The following CBX1 variants were observed in gnomAD, a reference collection of about 807,000 sequenced individuals.
CBX1 encodes chromobox protein homolog 1.
A neutral mutation model predicts 25.1 loss-of-function variants in CBX1; 10 were observed. That is an observed-to-expected ratio of 0.40 (90% CI 0.25 to 0.68). CBX1 has a LOEUF of 0.68. Ranked by LOEUF, CBX1 falls within the 30% of genes least tolerant of loss-of-function variation. The pLI, the probability that CBX1 is intolerant of heterozygous loss-of-function variation, is 0.40. For synonymous variants in CBX1, 63 were observed against 79.4 expected, an observed-to-expected ratio of 0.79 and a Z score of 1.10; for missense variants, 106 against 218.5, an observed-to-expected ratio of 0.49 and a Z score of 3.25.
chr17:48,088,189 T>TA (rs2063323594), intron 1 of CBX1: 1 of 150,998 alleles, frequency 6.6e-6, no homozygotes, highest in Admixed American at 6.6e-5. Flanking sequence ...CAGGCGCCTG[T>TA]AATCCTAGCT....
chr17:48,099,403 CCTA>C (rs72042410), intron 1 of CBX1, among the ~76,000 whole-genome samples: 24,396 of 151,980 alleles, frequency 0.16, 2,643 homozygotes, highest in African/African-American at 0.3. Flanking sequence ...TGCGCCCGAC[CCTA>C]CTATTTATTT....
At chr17:48,093,229 C>T (rs1181440570) in intron 1 of CBX1, among the ~76,000 whole-genome samples, 2 of 150,244 alleles carry the variant, frequency 1.3e-5, no homozygotes, top group Non-Finnish European at 3.0e-5. Context: ...GAGGCCAGAT[C>T]ACGACACTGC....
chr17:48,084,202 CTTTTTTTTTTT>C (rs869263376), intron 1 of CBX1, among the ~76,000 whole-genome samples: 4 of 61,320 alleles, frequency 6.5e-5, no homozygotes, highest in South Asian at 9.2e-4. Flanking sequence ...TCTTTCTTTC[CTTTTTTTTTTT>C]TTTTTTTTTT....
rs551811268 is a variant in CBX1 at position 48,085,061 on chromosome 17, G to A, written c.-37-8020C>T. On this transcript the variant is annotated intron_variant, in intron 1 of 4. Transcript: ENST00000225603. ...CTCAGTTGTCCTACTTAGCCAACTC[G>A]TATGGTTTATATCACAATATTGTAA... 1.6e-4 allele frequency among the ~76,000 whole-genome samples: 24 copies of A among 152,214 alleles called. No individual in the cohort carries two copies. The South Asian group carries it at 2.3e-3, about 14-fold the overall frequency.
At chr17:48,074,220 CTGTG>C (rs34047980) in intron 4 of CBX1, among the ~76,000 whole-genome samples, 2 of 150,750 alleles carry the variant, frequency 1.3e-5, no homozygotes, top group Admixed American at 1.3e-4. Flanking sequence ...GCTCCATAGA[CTGTG>C]TGTGTGTGTG....
intron 1 of CBX1, among the ~76,000 whole-genome samples, chr17:48,084,801 T>C (rs1000400724): frequency 6.7e-6 from 1 of 149,694 alleles, no homozygotes; most frequent in Non-Finnish European, 1.5e-5. Flanking sequence ...TCCCAGCTAC[T>C]TGGGAGGCTG....
Position 48,091,983 on chromosome 17 carries a change from CTTTTTTTTT to C in CBX1, c.-38+9276_-38+9284del, listed in dbSNP as rs56277117. On this transcript the variant is annotated intron_variant, in intron 1 of 4. Transcript: ENST00000225603. Reference sequence around the variant, plus strand: ...CGTGAGCCACCATGCCCAGCCAGATCTTTTTTTTTTTTTTTTTTTTTTTTGAGATGCAGT... The same window carrying C: ...CGTGAGCCACCATGCCCAGCCAGATCTTTTTTTTTTTTTTTGAGATGCAGT... 7.9e-5 allele frequency among the ~76,000 whole-genome samples: 5 copies of C among 62,938 alleles called. No homozygotes were observed. In the East Asian group the frequency reaches 2.4e-3, roughly 30 times the overall value. The allele number at this position is 62,938 out of a possible 152,430, so 41.3% of individuals were successfully genotyped here.
intron 4 of CBX1, 64 bp downstream of exon 4, chr17:48,074,942 C>A: frequency 8.7e-7 from 1 of 1,144,576 alleles, no homozygotes; most frequent in South Asian, 1.2e-5. Context: ...CAGCTCTTTT[C>A]CTCTGGCATG....
At chr17:48,080,283 C>T (rs764023556) in intron 1 of CBX1, among the ~76,000 whole-genome samples, 23 of 152,212 alleles carry the variant, frequency 1.5e-4, no homozygotes, top group Non-Finnish European at 2.8e-4. Context: ...GTGATCTGCC[C>T]GTTTTGGTTT....
intron 1 of CBX1, among the ~76,000 whole-genome samples, chr17:48,088,996 A>G (rs1357799609): frequency 6.6e-6 from 1 of 152,152 alleles, no homozygotes; most frequent in Non-Finnish European, 1.5e-5. Context: ...AACAAAACAA[A>G]AAACCCCAAA....
intron 1 of CBX1, among the ~76,000 whole-genome samples, chr17:48,090,347 A>G (rs905551613): frequency 2.0e-5 from 3 of 152,096 alleles, no homozygotes; most frequent in Non-Finnish European, 4.4e-5. Flanking sequence ...ATTTTTTTCT[A>G]GCCAATCACC....
chr17:48,082,442 C>CA (rs1282488193), intron 1 of CBX1, among the ~76,000 whole-genome samples: 1 of 130,362 alleles, frequency 7.7e-6, no homozygotes, highest in African/African-American at 2.9e-5. Flanking sequence ...GCGGAGCTTG[C>CA]AGTGAGCCGA....
At chr17:48,095,209 C>CAT (rs762052213) in intron 1 of CBX1, among the ~76,000 whole-genome samples, 1 of 152,148 alleles carries the variant, frequency 6.6e-6, no homozygotes, top group South Asian at 2.1e-4. Context: ...GTTCCCAAAG[C>CAT]ATTCTGTTTC....
At chr17:48,079,857 C>T (rs1460021106) in intron 1 of CBX1, among the ~76,000 whole-genome samples, 4 of 152,110 alleles carry the variant, frequency 2.6e-5, no homozygotes, top group African/African-American at 9.7e-5. Flanking sequence ...ATTCTCTAAA[C>T]TGGAACCCTG....
intron 1 of CBX1, among the ~76,000 whole-genome samples, chr17:48,093,334 CA>C (rs1412874054): frequency 7.2e-6 from 1 of 139,762 alleles, no homozygotes; most frequent in African/African-American, 2.6e-5. Flanking sequence ...AAAAAATTTA[CA>C]AAAAGGTAAA....
At chr17:48,085,406 G>A (rs2063307023) in intron 1 of CBX1, among the ~76,000 whole-genome samples, 1 of 152,104 alleles carries the variant, frequency 6.6e-6, no homozygotes, top group Admixed American at 6.5e-5. Flanking sequence ...CTAGCAGCTA[G>A]CCAAAAACCT....
In CBX1 at chr17:48,093,737, T is replaced by A. The variant is rs2109984; in HGVS notation, c.-38+7531A>T. On this transcript the variant is annotated intron_variant, in intron 1 of 4. Coordinates refer to ENST00000225603, the MANE Select transcript of CBX1 (RefSeq NM_001127228.2). ...ATGTCCCTTCTTCCCTCACAAAATC[T>A]ACATTCCTGTCAAAGACTATAACCT... Among the ~76,000 whole-genome samples the A allele has an allele frequency of 1.5e-3, 226 of 152,200 alleles. 1 individual carries two copies. Among genetic ancestry groups the A allele is most frequent in the Non-Finnish European group, 2.4e-3 (160 of 68,026 alleles).
At chr17:48,084,866 C>T (rs1247852448) in intron 1 of CBX1, among the ~76,000 whole-genome samples, 1 of 150,732 alleles carries the variant, frequency 6.6e-6, no homozygotes, top group African/African-American at 2.5e-5. Flanking sequence ...GCCGAGATCG[C>T]GCCACTGCAC....
intron 1 of CBX1, among the ~76,000 whole-genome samples, chr17:48,092,180 G>C (rs952348104): frequency 6.6e-6 from 1 of 150,660 alleles, no homozygotes; most frequent in African/African-American, 2.4e-5. Context: ...AGTAGAGATG[G>C]GGTTTCTCCA....
Sources: allele counts gnomAD v4.1 joint callset (sites outside exome capture counted in the v4.1 genomes callset), GRCh38; gene constraint gnomAD v4.1.1; transcripts MANE v1.5; gene names NCBI Gene and HGNC (gene_info 2026-07-23, HGNC 2026-07-21).